The following ZSCAN5B variants were observed in gnomAD, a reference collection of about 807,000 sequenced individuals.
ZSCAN5B encodes zinc finger and SCAN domain-containing protein 5B.
In ZSCAN5B, 26 loss-of-function variants were observed where a neutral mutation model predicts 25.2. That is an observed-to-expected ratio of 1.03 (90% CI 0.76 to 1.43). The LOEUF is 1.43. Among genes scored for constraint, ZSCAN5B ranks in the 40% most tolerant of loss-of-function variants. ZSCAN5B has a pLI of 0.00. For missense variants in ZSCAN5B, 745 were observed against 622.1 expected, an observed-to-expected ratio of 1.20 and a Z score of -2.10; for synonymous variants, 244 against 240.9, an observed-to-expected ratio of 1.01 and a Z score of -0.12.
chr19:56,193,081 C>G, exon 2 of ZSCAN5B: 1 of 1,505,374 alleles, frequency 6.6e-7, no homozygotes, highest in Non-Finnish European at 8.9e-7. Flanking sequence ...CAATCAGCCT[C>G]TGAGCAAGCT....
At chr19:56,191,171 C>T (rs564322695) in intron 3 of ZSCAN5B, among the ~76,000 whole-genome samples, 184 bp from the exon 4 acceptor site, 1 of 152,154 alleles carries the variant, frequency 6.6e-6, no homozygotes, top group African/African-American at 2.4e-5. Flanking sequence ...TAAATCAGCT[C>T]CTTTGCCTGG....
chr19:56,191,216 TC>T (rs1052955316), intron 3 of ZSCAN5B, among the ~76,000 whole-genome samples: 14 of 152,060 alleles, frequency 9.2e-5, no homozygotes, highest in Non-Finnish European at 2.1e-4. Context: ...AGAATATTTC[TC>T]CCCGCCGTGC....
exon 2 of ZSCAN5B, chr19:56,193,123 T>A: frequency 7.0e-7 from 1 of 1,438,260 alleles, no homozygotes; most frequent in Non-Finnish European, 9.2e-7. Flanking sequence ...TTGAGACCTA[T>A]TTACACAGGC....
chr19:56,191,964 C>T (rs368100277), exon 3 of ZSCAN5B: 36 of 1,613,952 alleles, frequency 2.2e-5, no homozygotes, highest in African/African-American at 5.3e-5. Flanking sequence ...ACACGTCTCT[C>T]GGATCATCTC....
chr19:56,196,445 CT>C (rs1466411996), intron 1 of ZSCAN5B, among the ~76,000 whole-genome samples: 1 of 152,138 alleles, frequency 6.6e-6, no homozygotes, highest in African/African-American at 2.4e-5. Context: ...GTACCGTATA[CT>C]TGGAAATTGC....
intron 1 of ZSCAN5B, 98 bp from the exon 2 acceptor site, chr19:56,193,277 A>G: frequency 1.9e-6 from 1 of 521,614 alleles, no homozygotes; most frequent in Admixed American, 3.4e-5. Flanking sequence ...CCACTTGTCC[A>G]TGGGCATCGG....
At chr19:56,190,123 G>C in exon 5 of ZSCAN5B, 1 of 1,614,014 alleles carries the variant, frequency 6.2e-7, no homozygotes, top group African/African-American at 1.3e-5. Flanking sequence ...TGAACTCGGA[G>C]GTCTGAGGGC....
chr19:56,190,485 T>C, exon 5 of ZSCAN5B: 1 of 1,613,992 alleles, frequency 6.2e-7, no homozygotes, highest in East Asian at 2.2e-5. Context: ...AGCTTCTCTC[T>C]CCACAACGCA....
At chr19:56,192,085 T>G (rs759837757) in intron 2 of ZSCAN5B, 32 bp from the exon 3 acceptor site, 7 of 1,572,916 alleles carry the variant, frequency 4.5e-6, no homozygotes, top group Non-Finnish European at 6.1e-6. Flanking sequence ...TCAGACACTA[T>G]GAGAACCTGA....
chr19:56,190,917 G>C, exon 4 of ZSCAN5B: 1 of 1,614,144 alleles, frequency 6.2e-7, no homozygotes, highest in Non-Finnish European at 8.5e-7. Flanking sequence ...CTTCTCCAAG[G>C]TCTGCTTGGG....
At chr19:56,192,454 C>G (rs761229605) in intron 2 of ZSCAN5B, among the ~76,000 whole-genome samples, 1 of 152,208 alleles carries the variant, frequency 6.6e-6, no homozygotes, top group East Asian at 1.9e-4. Context: ...CACTCTAATG[C>G]CTCCTTCCCT....
chr19:56,191,534 T>C (rs1348005472), intron 3 of ZSCAN5B, among the ~76,000 whole-genome samples: 1 of 152,170 alleles, frequency 6.6e-6, no homozygotes, highest in Non-Finnish European at 1.5e-5. Flanking sequence ...CTTCATGAAA[T>C]GTCTTTGCGG....
At chr19:56,192,812 C>T (rs2032755907) in exon 2 of ZSCAN5B, 2 of 1,612,794 alleles carry the variant, frequency 1.2e-6, no homozygotes, top group South Asian at 2.2e-5. Context: ...AGGATCTGCT[C>T]TTTGGTGTGG....
intron 3 of ZSCAN5B, 136 bp downstream of exon 3, chr19:56,191,714 T>G (rs2032736429): frequency 6.5e-6 from 5 of 768,176 alleles, no homozygotes; most frequent in Non-Finnish European, 7.9e-6. Flanking sequence ...AATGAATGTT[T>G]GGGGATGTAT....
chr19:56,192,939 C>T (rs755679725), exon 2 of ZSCAN5B: 3 of 1,613,698 alleles, frequency 1.9e-6, no homozygotes. Context: ...TCTCAGGGTT[C>T]CTGTCGTGAT....
Position 56,192,989 on chromosome 19 carries a change from T to G in ZSCAN5B, c.64A>C (p.Thr22Pro), listed in dbSNP as rs765870687. 36 of 1,606,392 alleles carry G rather than the reference T, an allele frequency of 2.2e-5. No homozygotes were observed. Among genetic ancestry groups the G allele is most frequent in the Admixed American group, 1.2e-4 (7 of 59,016 alleles). ...TCTGGGGACGCCACAGACCGTGGAG[T>G]GTCTGACCCAGGGCTGTTGCAGGGT... The change falls in exon 2 of 5, where the codon ACT becomes CCT. Residue 22 changes from threonine (T) to proline (P), a missense_variant. Transcript: ENST00000586855.
chr19:56,190,393 G>T (rs1599935958), exon 5 of ZSCAN5B: 1 of 1,614,024 alleles, frequency 6.2e-7, no homozygotes, highest in African/African-American at 1.3e-5. Flanking sequence ...GGCTCTTCTT[G>T]GGAAATGGAG....
At chr19:56,190,081 T>C (rs16987048) in exon 5 of ZSCAN5B, 1 of 1,613,980 alleles carries the variant, frequency 6.2e-7, no homozygotes, top group Non-Finnish European at 8.5e-7. Context: ...ACGTCACACA[T>C]GTAGGGCCTC....
intron 2 of ZSCAN5B, 113 bp from the exon 3 acceptor site, chr19:56,192,166 C>T (rs926815242): frequency 2.0e-6 from 2 of 1,023,336 alleles, no homozygotes; most frequent in African/African-American, 1.6e-5. Flanking sequence ...TCAAATCTAC[C>T]TTCCTGATGC....
Sources: gnomAD v4.1 joint callset for allele counts (sites outside exome capture counted in the v4.1 genomes callset) on GRCh38, gnomAD v4.1.1 for gene constraint, MANE v1.5 for transcripts, NCBI Gene and HGNC (gene_info 2026-07-23, HGNC 2026-07-21) for gene names.